The following PDE3A variants were observed in gnomAD, a reference collection of about 807,000 sequenced individuals.
PDE3A encodes phosphodiesterase 3A, also known as cGMP-inhibited 3',5'-cyclic phosphodiesterase 3A.
A neutral mutation model predicts 98.3 loss-of-function variants in PDE3A; 43 were observed. The ratio of observed to expected loss-of-function variants is 0.44; its 90% CI spans 0.34 to 0.56. The LOEUF (loss-of-function observed/expected upper bound fraction) is 0.56. Ranked by LOEUF, PDE3A falls within the 20% of genes least tolerant of loss-of-function variation. The probability of loss-of-function intolerance (pLI) is 0.01; values close to 1 mark genes in which losing one functional copy is unlikely to be tolerated. For missense variants in PDE3A, 1,427 were observed against 1,440.7 expected, an observed-to-expected ratio of 0.99 and a Z score of 0.15; for synonymous variants, 663 against 567.9, an observed-to-expected ratio of 1.17 and a Z score of -2.38.
At chr12:20,670,394 C>G (rs1424240108) in intron 15 of PDE3A, among the ~76,000 whole-genome samples, 1 of 151,488 alleles carries the variant, frequency 6.6e-6, no homozygotes, top group Admixed American at 6.6e-5. Flanking sequence ...ATAGAATATA[C>G]ATTTTTTTCA....
chr12:20,394,387 C>CT (rs1306105568), intron 1 of PDE3A, among the ~76,000 whole-genome samples: 1 of 151,932 alleles, frequency 6.6e-6, no homozygotes, highest in Middle Eastern at 3.2e-3. Flanking sequence ...AAGGATATCC[C>CT]TGCCTTAGAG....
chr12:20,586,263 G>A (rs1210663066), intron 2 of PDE3A, among the ~76,000 whole-genome samples: 1 of 152,106 alleles, frequency 6.6e-6, no homozygotes, highest in Non-Finnish European at 1.5e-5. Context: ...AGTCATAGAG[G>A]GTCTGGGTTT....
intron 2 of PDE3A, among the ~76,000 whole-genome samples, chr12:20,591,712 A>G (rs1943343362): frequency 6.6e-6 from 1 of 152,202 alleles, no homozygotes; most frequent in Non-Finnish European, 1.5e-5. Context: ...CTGTAAGCCT[A>G]CCCAGAGAAT....
chr12:20,587,316 C>A (rs1338320077), intron 2 of PDE3A, among the ~76,000 whole-genome samples: 1 of 152,158 alleles, frequency 6.6e-6, no homozygotes, highest in Admixed American at 6.5e-5. Flanking sequence ...TTGCAGTGAG[C>A]TGACATCACA....
chr12:20,502,012 A>T (rs1182936503), intron 1 of PDE3A, among the ~76,000 whole-genome samples: 2 of 152,162 alleles, frequency 1.3e-5, no homozygotes, highest in African/African-American at 2.4e-5. Flanking sequence ...AATACGGATA[A>T]TTGTTCACTA....
At chr12:20,419,334 T>A (rs1224303147) in intron 1 of PDE3A, among the ~76,000 whole-genome samples, 2 of 152,048 alleles carry the variant, frequency 1.3e-5, no homozygotes, top group Non-Finnish European at 2.9e-5. Flanking sequence ...GCTCTGTCAT[T>A]GAGGGTGGAG....
rs1000659498 is a variant in PDE3A at position 20,552,076 on chromosome 12, G to T, written c.961-4584G>T. ...TTTTTTCACATACACGGGTAGTGGT[G>T]GTCGAGAGCTTTCCGGCAACAAGAG... On this transcript the variant is annotated intron_variant, in intron 1 of 15. Coordinates refer to ENST00000359062, the MANE Select transcript of PDE3A (RefSeq NM_000921.5). The surrounding 1 kb of genome is among the most constrained non-coding windows in gnomAD (Gnocchi z 5.1). 3.7e-6 allele frequency: 6 copies of T among 1,612,506 alleles called. No individual in the cohort carries two copies. In the African/African-American group the frequency reaches 4.0e-5, roughly 11 times the overall value.
At chr12:20,428,514 C>T (rs1944640066) in intron 1 of PDE3A, among the ~76,000 whole-genome samples, 1 of 152,050 alleles carries the variant, frequency 6.6e-6, no homozygotes, top group Non-Finnish European at 1.5e-5. Flanking sequence ...ATCTCCTGAC[C>T]TCGTGATCCG....
At chr12:20,637,415 G>A (rs1455551093) in intron 9 of PDE3A, among the ~76,000 whole-genome samples, 178 bp downstream of exon 9, 1 of 148,614 alleles carries the variant, frequency 6.7e-6, no homozygotes, top group East Asian at 1.9e-4. Flanking sequence ...GGAACTTCAA[G>A]TGAGTCGAGT....
At chr12:20,438,150 G>T (rs936063114) in intron 1 of PDE3A, among the ~76,000 whole-genome samples, 5 of 151,950 alleles carry the variant, frequency 3.3e-5, no homozygotes, top group Non-Finnish European at 7.4e-5. Flanking sequence ...TTGCTAAAAA[G>T]AATTAGTTCC....
chr12:20,603,704 CAAT>C (rs758326281), intron 2 of PDE3A, among the ~76,000 whole-genome samples: 56 of 152,208 alleles, frequency 3.7e-4, no homozygotes, highest in Middle Eastern at 3.4e-3. Flanking sequence ...TTCTCAACAA[CAAT>C]GTTTCACCAA....
At chr12:20,370,665 G>A (rs1943456102) in intron 1 of PDE3A, among the ~76,000 whole-genome samples, 1 of 151,852 alleles carries the variant, frequency 6.6e-6, no homozygotes, top group Non-Finnish European at 1.5e-5. Context: ...GATTTTACTA[G>A]ATTTCTACTT....
chr12:20,370,021 TGCTGGGG>T lies in PDE3A; in HGVS notation c.738_744del (p.Leu247SerfsTer27), dbSNP rs781642492. 2.5e-6 allele frequency: 4 copies of T among 1,613,056 alleles called. No homozygotes were observed. The highest frequency in any genetic ancestry group is 3.4e-6 in the Non-Finnish European group (4 of 1,179,918). On this transcript the variant is annotated frameshift_variant, in exon 1 of 16. Transcript: ENST00000359062. LOFTEE classifies it high-confidence loss of function. ...CCTTACCTGGCGTACCTGGCCGGCGTGCTGGGGATCCTCTTGGCCAGGTACGTGGAAC... is the reference window on the plus strand; with the variant it reads ...CCTTACCTGGCGTACCTGGCCGGCGTATCCTCTTGGCCAGGTACGTGGAAC...
At chr12:20,502,645 A>G (rs78535274) in intron 1 of PDE3A, among the ~76,000 whole-genome samples, 5,075 of 152,244 alleles carry the variant, frequency 0.033, 120 homozygotes, top group South Asian at 0.065. Flanking sequence ...AAAGTGAGTG[A>G]CTATAGAGGT....
chr12:20,560,558 C>T (rs1446649347), intron 2 of PDE3A, among the ~76,000 whole-genome samples: 1 of 152,078 alleles, frequency 6.6e-6, no homozygotes, highest in Non-Finnish European at 1.5e-5. Flanking sequence ...GTGTAAGATA[C>T]CAGAAGAGTC....
intron 1 of PDE3A, among the ~76,000 whole-genome samples, chr12:20,425,954 C>T (rs1392284554): frequency 1.3e-5 from 2 of 151,966 alleles, no homozygotes; most frequent in Non-Finnish European, 2.9e-5. Flanking sequence ...TGTATGACAC[C>T]TATTTCATAG....
intron 1 of PDE3A, among the ~76,000 whole-genome samples, chr12:20,457,260 A>G (rs1189102277): frequency 6.6e-6 from 1 of 150,992 alleles, no homozygotes; most frequent in Non-Finnish European, 1.5e-5. Context: ...TCTATTATAT[A>G]TTATTCTATT....
intron 15 of PDE3A, among the ~76,000 whole-genome samples, chr12:20,663,132 T>G (rs953716305): frequency 6.6e-6 from 1 of 152,060 alleles, no homozygotes; most frequent in East Asian, 1.9e-4. Flanking sequence ...GTTAGGTCTG[T>G]GGTGTGCAGA....
chr12:20,510,578 A>T lies in PDE3A; in HGVS notation c.961-46082A>T, dbSNP rs1167172000. On this transcript the variant is annotated intron_variant, in intron 1 of 15. Transcript: ENST00000359062. The stretch of plus-strand genomic sequence containing the variant: ...TTGAGGGCTGAGATGGAGAAGTTGA[A>T]GACACAGGATGGATTAGGCAAAGGA... Among the ~76,000 whole-genome samples the T allele has an allele frequency of 2.6e-5, 4 of 152,240 alleles. No individual in the cohort carries two copies. In the East Asian group the frequency reaches 7.7e-4, roughly 29 times the overall value.
Sources: gnomAD v4.1 joint callset for allele counts (sites outside exome capture counted in the v4.1 genomes callset) on GRCh38, gnomAD v4.1.1 for gene constraint, Gnocchi (gnomAD v3.1) non-coding constraint, MANE v1.5 for transcripts, NCBI Gene and HGNC (gene_info 2026-07-23, HGNC 2026-07-21) for gene names.